Variants in PTPRJ observed in about 807,000 individuals in gnomAD.
The protein encoded by PTPRJ is protein tyrosine phosphatase receptor type J, also known as receptor-type tyrosine-protein phosphatase eta.
Under a neutral mutation model 141.3 loss-of-function variants are expected in PTPRJ, and 129 were observed. The observed-to-expected ratio is 0.91, with a 90% CI of 0.79 to 1.06. The LOEUF is 1.06. Among genes scored for constraint, PTPRJ ranks in the 50% least tolerant of loss-of-function variants. The pLI is 0.00. For missense variants in PTPRJ, 1,601 were observed against 1,679.7 expected (o/e 0.95, Z 0.82); for synonymous variants, 610 against 640.5 (o/e 0.95, Z 0.72).
intron 1 of PTPRJ, among the ~76,000 whole-genome samples, chr11:48,080,681 G>A (rs764525559): frequency 1.3e-5 from 2 of 152,160 alleles, no homozygotes; most frequent in African/African-American, 4.8e-5. Flanking sequence ...GCCAAAGATC[G>A]GCAAAGATAG....
chr11:48,033,402 T>C (rs905608736), intron 1 of PTPRJ, among the ~76,000 whole-genome samples: 33 of 151,832 alleles, frequency 2.2e-4, no homozygotes, highest in African/African-American at 7.5e-4. Context: ...AATTGTAAGT[T>C]TGAGAGAAAT....
At chr11:48,132,993 A>G (rs1857015394) in intron 8 of PTPRJ, among the ~76,000 whole-genome samples, 1 of 152,192 alleles carries the variant, frequency 6.6e-6, no homozygotes. Flanking sequence ...ATCACCACTG[A>G]GGGAGATGCA....
chr11:48,111,399 A>T (rs1036063350), intron 2 of PTPRJ, among the ~76,000 whole-genome samples: 5 of 150,648 alleles, frequency 3.3e-5, no homozygotes, highest in African/African-American at 1.2e-4. Flanking sequence ...AAATTTGGGA[A>T]CTTTTTTTTT....
At chr11:48,131,051 C>CACACACACACACATATAT (rs1286082298) in intron 8 of PTPRJ, among the ~76,000 whole-genome samples, 1 of 112,074 alleles carries the variant, frequency 8.9e-6, no homozygotes, top group Non-Finnish European at 1.7e-5. Context: ...CACACACACA[C>CACACACACACACATATAT]ATATATATAT....
rs1280686559 is a variant in PTPRJ at position 48,113,638 on chromosome 11, T to C, written c.352+655T>C. 5.3e-5 allele frequency among the ~76,000 whole-genome samples: 8 copies of C among 152,230 alleles called. No individual in the cohort carries two copies. In the East Asian group the frequency reaches 1.4e-3, roughly 26 times the overall value. On this transcript the variant is annotated intron_variant, in intron 3 of 24. Coordinates refer to ENST00000418331, the MANE Select transcript of PTPRJ (RefSeq NM_002843.4). ...ACTGTGGTTCAGAGATCTCTAGGGG[T>C]CTCCTAGATTCTTTCAAGGTATTTC...
rs543146174 is a variant in PTPRJ, at chr11:48,049,975, C to T, written c.97-60083C>T. ...TTTATTGAAGTTTTGTGGATAAAAGCACTTTTTATTAAAAAGAACCAGGTG... is the reference window on the plus strand; with the variant it reads ...TTTATTGAAGTTTTGTGGATAAAAGTACTTTTTATTAAAAAGAACCAGGTG... On this transcript the variant is annotated intron_variant, in intron 1 of 24. Coordinates refer to ENST00000418331, the MANE Select transcript of PTPRJ (RefSeq NM_002843.4). Among the ~76,000 whole-genome samples the T allele has an allele frequency of 3.6e-4, 55 of 152,240 alleles. 1 individual carries two copies. The highest frequency in any genetic ancestry group is 4.6e-4 in the Non-Finnish European group (31 of 68,002).
intron 2 of PTPRJ, 103 bp from the exon 3 acceptor site, chr11:48,112,644 C>T: frequency 1.2e-6 from 1 of 840,098 alleles, no homozygotes; most frequent in Non-Finnish European, 2.0e-6. Flanking sequence ...ATCAGTTTTT[C>T]CAAGTGTGCA....
chr11:48,021,717 T>C (rs543469220), intron 1 of PTPRJ, among the ~76,000 whole-genome samples: 2 of 152,344 alleles, frequency 1.3e-5, no homozygotes, highest in African/African-American at 4.8e-5. Flanking sequence ...TGCTTTAATA[T>C]GAGTCTAGCG....
At chr11:48,010,118 G>T (rs1483551474) in intron 1 of PTPRJ, among the ~76,000 whole-genome samples, 1 of 152,198 alleles carries the variant, frequency 6.6e-6, no homozygotes, top group Non-Finnish European at 1.5e-5. Context: ...AATAGACGGG[G>T]TTCTCCAAGG....
At chr11:48,032,091 T>TTGC (rs1203903120) in intron 1 of PTPRJ, among the ~76,000 whole-genome samples, 2 of 152,146 alleles carry the variant, frequency 1.3e-5, no homozygotes, top group Admixed American at 6.5e-5. Flanking sequence ...TGAGTGACCT[T>TTGC]TGCTGCTGCT....
intron 1 of PTPRJ, among the ~76,000 whole-genome samples, chr11:48,090,482 C>T (rs958367016): frequency 1.3e-5 from 2 of 152,162 alleles, no homozygotes; most frequent in South Asian, 2.1e-4. Flanking sequence ...TGGTCAGAGC[C>T]GAGCACAGTG....
intron 1 of PTPRJ, among the ~76,000 whole-genome samples, chr11:48,089,623 T>C (rs1855814825): frequency 6.6e-6 from 1 of 152,206 alleles, no homozygotes; most frequent in Non-Finnish European, 1.5e-5. Flanking sequence ...CTTTTTAGTC[T>C]TTTAAAAAAT....
chr11:48,061,222 T>C (rs754730310), intron 1 of PTPRJ, among the ~76,000 whole-genome samples: 6 of 152,172 alleles, frequency 3.9e-5, no homozygotes, highest in Non-Finnish European at 5.9e-5. Flanking sequence ...GTGATCCGCC[T>C]ACCTCGGCCT....
Position 48,051,084 on chromosome 11 carries a change from CTTTTTTTTTTTTTT to C in PTPRJ, c.97-58958_97-58945del, listed in dbSNP as rs59987198. ...GAGGTGATAGCCAGTTAACTGATGA[CTTTTTTTTTTTTTT>C]TTTTTTTTTTTTTTTGAGATGGAAT... is the stretch of plus-strand genomic sequence containing the variant. On this transcript the variant is annotated intron_variant, in intron 1 of 24. Transcript: ENST00000418331. Among the ~76,000 whole-genome samples, 64 of 79,316 alleles carry C rather than the reference CTTTTTTTTTTTTTT, an allele frequency of 8.1e-4. 1 individual carries two copies. Among genetic ancestry groups the C allele is most frequent in the East Asian group, 1.1e-3 (3 of 2,720 alleles). The allele number at this position is 79,316 out of a possible 152,430, so 52.0% of individuals were successfully genotyped here.
At chr11:48,039,241 C>A (rs1215171678) in intron 1 of PTPRJ, among the ~76,000 whole-genome samples, 2 of 151,150 alleles carry the variant, frequency 1.3e-5, no homozygotes, top group African/African-American at 4.9e-5. Flanking sequence ...CACACTATTT[C>A]TTTAATCCTT....
chr11:48,017,926 C>G (rs187408595), intron 1 of PTPRJ, among the ~76,000 whole-genome samples: 2 of 152,284 alleles, frequency 1.3e-5, no homozygotes, highest in African/African-American at 4.8e-5. Context: ...AGCTGTAAAG[C>G]ACTTAAAAAT....
intron 1 of PTPRJ, among the ~76,000 whole-genome samples, chr11:48,061,808 C>G (rs1410430876): frequency 1.3e-5 from 2 of 152,018 alleles, no homozygotes; most frequent in East Asian, 3.9e-4. Context: ...TATGTTCACA[C>G]AACAACTCCA....
chr11:48,009,089 A>G (rs889335692), intron 1 of PTPRJ, among the ~76,000 whole-genome samples: 2 of 152,332 alleles, frequency 1.3e-5, no homozygotes, highest in African/African-American at 2.4e-5. Flanking sequence ...TGAGGACACA[A>G]TGGGATGAAC....
chr11:48,099,736 T>A (rs1277908650), intron 1 of PTPRJ, among the ~76,000 whole-genome samples: 6 of 152,194 alleles, frequency 3.9e-5, no homozygotes, highest in Non-Finnish European at 7.4e-5. Flanking sequence ...CCAATGTGAT[T>A]TGCCAAGGTG....
Sources: gnomAD v4.1 joint callset for allele counts (sites outside exome capture counted in the v4.1 genomes callset) on GRCh38, gnomAD v4.1.1 for gene constraint, MANE v1.5 for transcripts, NCBI Gene and HGNC (gene_info 2026-07-23, HGNC 2026-07-21) for gene names.